Variants in COG3 observed in about 807,000 individuals in gnomAD.
The protein encoded by COG3 is component of oligomeric golgi complex 3.
COG3 carries 32 observed loss-of-function variants against 114.1 expected under a neutral mutation model. The ratio of observed to expected loss-of-function variants is 0.28; its 90% confidence interval spans 0.21 to 0.38. The LOEUF is 0.38. Among genes scored for constraint, COG3 ranks in the 10% least tolerant of loss-of-function variants. The pLI is 1.00. For missense variants in COG3, 813 were observed against 973.2 expected, an observed-to-expected ratio of 0.84 and a Z score of 2.19; for synonymous variants, 352 against 365.7, an observed-to-expected ratio of 0.96 and a Z score of 0.43.
intron 9 of COG3, 71 bp from the exon 10 acceptor site, chr13:45,491,341 A>C (rs1395512540): frequency 2.6e-6 from 4 of 1,517,964 alleles, no homozygotes; most frequent in Admixed American, 4.1e-5. Flanking sequence ...GGCAACCTAC[A>C]CTGGGATTTA....
chr13:45,477,356 T>G (rs1439619394), intron 2 of COG3, among the ~76,000 whole-genome samples: 1 of 152,192 alleles, frequency 6.6e-6, no homozygotes, highest in Non-Finnish European at 1.5e-5. Context: ...GTACCTGTTC[T>G]CTCTTTAAAA....
Position 45,465,187 on chromosome 13 carries a change from G to A in COG3, c.151G>A (p.Glu51Lys), listed in dbSNP as rs1885052869. The A allele has an allele frequency of 3.7e-6, 6 of 1,613,670 alleles. No individual in the cohort carries two copies. The highest frequency in any genetic ancestry group is 4.2e-6 in the Non-Finnish European group (5 of 1,179,894). ...GGTATTGGAGCTGAAGGCGGCGGCA[G>A]AGAACTTGCCGGTGCCAGCTGAGGT... is the stretch of plus-strand genomic sequence containing the variant. ...DSVLELKAAA[E>K]NLPVPAELPI... Residue 51 changes from glutamate to lysine, a missense_variant, in exon 1 of 23, where the codon GAG (glutamate) becomes AAG (lysine). Physicochemically the swap from Glu to Lys is moderately conservative, Grantham distance 56 (BLOSUM62 1). Transcript: ENST00000349995.
In COG3 at chr13:45,534,942, A is replaced by T. The variant is rs1174259800; in HGVS notation, c.*211A>T. 4.8e-6 allele frequency: 6 copies of T among 1,254,862 alleles called. No individual in the cohort carries two copies. The African/African-American group carries it at 9.3e-5, about 19-fold the overall frequency. The allele number at this position is 1,254,862 out of a possible 1,614,324, so 77.7% of individuals were successfully genotyped here. On this transcript the variant is annotated 3_prime_UTR_variant, in exon 23 of 23. Transcript: ENST00000349995. ...TAAAACATCAAAATGCCAAAGATTA[A>T]TCTGTGATTGGTGATAACTGCCTCG...
intron 14 of COG3, among the ~76,000 whole-genome samples, chr13:45,506,670 C>T (rs987241261): frequency 2.0e-5 from 3 of 152,048 alleles, no homozygotes; most frequent in Admixed American, 6.5e-5. Context: ...ATCACAATGG[C>T]GATAGAACTT....
chr13:45,465,224 C>T lies in COG3; in HGVS notation c.174+14C>T, dbSNP rs1437895201. 1 of 1,611,922 alleles carries T rather than the reference C, an allele frequency of 6.2e-7. No individual in the cohort carries two copies. The highest frequency in any genetic ancestry group is 8.5e-7 in the Non-Finnish European group (1 of 1,178,844). On this transcript the variant is annotated intron_variant, in intron 1 of 22. Transcript: ENST00000349995. ...GTGCCAGCTGAGGTGAGGTGATGGG[C>T]AGGAACCGGGCCGGGGCGATGGGGC...
chr13:45,501,266 G>T (rs1171469822), intron 13 of COG3, among the ~76,000 whole-genome samples: 1 of 152,178 alleles, frequency 6.6e-6, no homozygotes, highest in African/African-American at 2.4e-5. Flanking sequence ...GAACTTCTCT[G>T]TAAGGGAGAT....
chr13:45,532,040 A>G (rs983392424), intron 22 of COG3: 2 of 151,966 alleles, frequency 1.3e-5, no homozygotes, highest in African/African-American at 4.8e-5. Context: ...CAGATCCTGC[A>G]TTTCCCCGTC....
At chr13:45,494,340 A>C (rs889889613) in intron 12 of COG3, among the ~76,000 whole-genome samples, 2 of 152,018 alleles carry the variant, frequency 1.3e-5, no homozygotes, top group East Asian at 3.9e-4. Context: ...AAAAAAAAAA[A>C]AAAACAACCT....
At chr13:45,491,569 A>C (rs150211574) in intron 10 of COG3, 31 bp downstream of exon 10, 1 of 1,601,184 alleles carries the variant, frequency 6.2e-7, no homozygotes. Flanking sequence ...GTTTAATGTT[A>C]AATCTTCCTC....
Position 45,536,668 on chromosome 13 carries a change from A to G in COG3, c.*1937A>G, listed in dbSNP as rs1392479128. On this transcript the variant is annotated 3_prime_UTR_variant, in exon 23 of 23. Transcript: ENST00000349995. ...TGATACGTGTGTGCATTCCTTGAGG[A>G]AAATTTCTTTAATTAAAATTTTAAT... 2.0e-5 allele frequency: 3 copies of G among 152,180 alleles called. No homozygotes were observed. Among genetic ancestry groups the G allele is most frequent in the Admixed American group, 2.0e-4 (3 of 15,274 alleles). 9.4% of individuals were successfully genotyped at this position (152,180 alleles called of 1,614,324 possible).
chr13:45,501,878 A>C (rs1378489226), intron 13 of COG3, among the ~76,000 whole-genome samples: 1 of 152,234 alleles, frequency 6.6e-6, no homozygotes, highest in East Asian at 1.9e-4. Context: ...ACCTGTTTTG[A>C]GGATGTTCTC....
At chr13:45,495,756 T>G (rs1431501484) in intron 12 of COG3, among the ~76,000 whole-genome samples, 1 of 152,184 alleles carries the variant, frequency 6.6e-6, no homozygotes, top group Non-Finnish European at 1.5e-5. Flanking sequence ...TGTGAAAATG[T>G]TAACAAGTCA....
intron 7 of COG3, 63 bp from the exon 8 acceptor site, chr13:45,486,432 G>C: frequency 9.7e-7 from 1 of 1,030,238 alleles, no homozygotes; most frequent in Non-Finnish European, 1.5e-6. Flanking sequence ...GTTGCTGTTG[G>C]GTTTTCTGAA....
At chr13:45,509,842 C>A in intron 15 of COG3, 26 bp downstream of exon 15, 2 of 1,541,020 alleles carry the variant, frequency 1.3e-6, no homozygotes, top group Non-Finnish European at 8.8e-7. Context: ...CTGTGAATTG[C>A]TCGTTCTTTC....
chr13:45,481,911 A>C (rs1250872528), intron 5 of COG3, among the ~76,000 whole-genome samples: 1 of 152,182 alleles, frequency 6.6e-6, no homozygotes, highest in African/African-American at 2.4e-5. Context: ...TTCATTGCCA[A>C]GCTATTTGTA....
intron 13 of COG3, among the ~76,000 whole-genome samples, chr13:45,496,668 T>G (rs915317899): frequency 2.0e-5 from 3 of 152,080 alleles, no homozygotes; most frequent in Non-Finnish European, 4.4e-5. Context: ...TCAAGTTATG[T>G]TTTTTTGTTT....
At chr13:45,491,343 T>A in intron 9 of COG3, 69 bp from the exon 10 acceptor site, 1 of 1,529,736 alleles carries the variant, frequency 6.5e-7, no homozygotes, top group Non-Finnish European at 8.8e-7. Flanking sequence ...CAACCTACAC[T>A]GGGATTTAAG....
At chr13:45,507,855 G>C (rs1308917034) in intron 14 of COG3, among the ~76,000 whole-genome samples, 1 of 150,116 alleles carries the variant, frequency 6.7e-6, no homozygotes, top group Non-Finnish European at 1.5e-5. Flanking sequence ...GGATCACTAG[G>C]TCAGGAGATC....
chr13:45,506,857 G>T (rs887731050), intron 14 of COG3, among the ~76,000 whole-genome samples: 1 of 152,226 alleles, frequency 6.6e-6, no homozygotes, highest in Non-Finnish European at 1.5e-5. Flanking sequence ...TGGCATACAA[G>T]GAGGTGTCAG....
Sources: gnomAD v4.1 joint callset for allele counts (sites outside exome capture counted in the v4.1 genomes callset) on GRCh38, gnomAD v4.1.1 for gene constraint, MANE v1.5 for transcripts, NCBI Gene and HGNC (gene_info 2026-07-23, HGNC 2026-07-21) for gene names.